The following EFCAB8 variants were observed in gnomAD, a reference collection of about 807,000 sequenced individuals.
The protein encoded by EFCAB8 is EF-hand calcium-binding domain-containing protein 8.
A neutral mutation model predicts 116.3 loss-of-function variants in EFCAB8; 100 were observed. The ratio of observed to expected loss-of-function variants is 0.86; its 90% CI spans 0.73 to 1.02. EFCAB8 has a LOEUF of 1.02. Among genes scored for constraint, EFCAB8 ranks in the 50% least tolerant of loss-of-function variants. The probability of loss-of-function intolerance (pLI) is 0.00; values close to 1 mark genes in which losing one functional copy is unlikely to be tolerated. For synonymous variants in EFCAB8, 558 were observed against 567.9 expected (o/e 0.98, Z 0.25); for missense variants, 1,320 against 1,416.9 (o/e 0.93, Z 1.10).
chr20:32,881,937 GT>G lies in EFCAB8; in HGVS notation c.431+3131del, dbSNP rs1985361471. ...TAGAAATTATCCCTGCCCAGGCATG[GT>G]GGCTCACACCTGTAATCCCAGCACT... On this transcript the variant is annotated intron_variant, in intron 5 of 26. Transcript: ENST00000400522. Among the ~76,000 whole-genome samples, 11 of 152,292 alleles carry G rather than the reference GT, an allele frequency of 7.2e-5. No homozygotes were observed. In the South Asian group the frequency reaches 2.3e-3, roughly 32 times the overall value.
At chr20:32,920,336 G>C in intron 20 of EFCAB8, 121 bp downstream of exon 20, 1 of 1,358,682 alleles carries the variant, frequency 7.4e-7, no homozygotes, top group East Asian at 2.5e-5. Flanking sequence ...CCCAGTGCCC[G>C]GAAGGCATCT....
chr20:32,898,584 T>G lies in EFCAB8; in HGVS notation c.1049T>G (p.Val350Gly), dbSNP rs1204227772. The G allele has an allele frequency of 7.0e-6, 5 of 718,490 alleles. No individual in the cohort carries two copies. The Admixed American group carries it at 1.0e-4, about 14-fold the overall frequency. 44.5% of individuals were successfully genotyped at this position (718,490 alleles called of 1,614,324 possible). A position where few individuals can be genotyped will look rare whatever the true frequency, so the allele number is the denominator to read the frequency against. The change falls in exon 11 of 27, where the codon GTG (valine) becomes GGG (glycine). Residue 350 changes from valine to glycine, a missense_variant. Physicochemically the swap from Val to Gly is moderately radical, Grantham distance 109. Coordinates refer to ENST00000400522, the MANE Select transcript of EFCAB8 (RefSeq NM_001143967.2). ...TCAGCCATCGAGAAGTCCTCTCTGG[T>G]GCTGACAATATTGCCAGCCAAAGCC... ...SCSAIEKSSL[V>G]LTILPAKASK...
chr20:32,921,361 T>TTTTG (rs113180434), intron 20 of EFCAB8, among the ~76,000 whole-genome samples: 7 of 129,162 alleles, frequency 5.4e-5, no homozygotes, highest in African/African-American at 2.5e-4. Flanking sequence ...CCCAGCTATT[T>TTTTG]TGTGTGTGTG....
intron 1 of EFCAB8, among the ~76,000 whole-genome samples, chr20:32,861,821 A>G (rs151030153): frequency 9.2e-5 from 14 of 152,310 alleles, no homozygotes; most frequent in African/African-American, 2.2e-4. Context: ...AATCTCACCT[A>G]CCAGAGATGA....
At chr20:32,863,369 A>G (rs1370059557) in intron 1 of EFCAB8, among the ~76,000 whole-genome samples, 1 of 152,094 alleles carries the variant, frequency 6.6e-6, no homozygotes, top group African/African-American at 2.4e-5. Context: ...GGGAGGGTAT[A>G]TGCAGTGGAA....
chr20:32,923,744 A>G (rs897882079), intron 20 of EFCAB8, among the ~76,000 whole-genome samples: 16 of 152,142 alleles, frequency 1.1e-4, no homozygotes, highest in Non-Finnish European at 1.9e-4. Context: ...TTGACTCCTC[A>G]CGGGCATCTC....
chr20:32,875,506 T>G (rs1255299143), intron 3 of EFCAB8, among the ~76,000 whole-genome samples: 1 of 136,140 alleles, frequency 7.3e-6, no homozygotes, highest in Non-Finnish European at 1.7e-5. Context: ...ATGGTGGTTT[T>G]TTTTTTTTTT....
At chr20:32,954,665 A>G (rs1274533542) in intron 23 of EFCAB8, among the ~76,000 whole-genome samples, 2 of 152,212 alleles carry the variant, frequency 1.3e-5, no homozygotes, top group Non-Finnish European at 1.5e-5. Flanking sequence ...ATTTAGCTCT[A>G]TGATCCATCT....
chr20:32,939,143 C>A (rs1988265626), intron 22 of EFCAB8, among the ~76,000 whole-genome samples: 1 of 44,348 alleles, frequency 2.3e-5, no homozygotes, highest in Non-Finnish European at 4.5e-5. Context: ...TTCTTTCTTT[C>A]TTTCTTTCTT....
intron 6 of EFCAB8, among the ~76,000 whole-genome samples, chr20:32,886,982 G>A (rs959624692): frequency 1.7e-4 from 26 of 152,142 alleles, no homozygotes; most frequent in Non-Finnish European, 3.5e-4. Flanking sequence ...GAGTTACCAA[G>A]CTACTGGTGT....
intron 3 of EFCAB8, among the ~76,000 whole-genome samples, chr20:32,873,758 G>A (rs1984804071): frequency 6.7e-6 from 1 of 149,892 alleles, no homozygotes; most frequent in South Asian, 2.1e-4. Context: ...GTTGCAGTGA[G>A]CTGAGATTGT....
At chr20:32,907,860 A>AG (rs1986750973) in intron 13 of EFCAB8, among the ~76,000 whole-genome samples, 1 of 151,928 alleles carries the variant, frequency 6.6e-6, no homozygotes, top group South Asian at 2.1e-4. Context: ...GAGGAATGGG[A>AG]GGGGCCCCTC....
chr20:32,923,619 T>G (rs1020008133), intron 20 of EFCAB8, among the ~76,000 whole-genome samples: 1 of 152,182 alleles, frequency 6.6e-6, no homozygotes, highest in Non-Finnish European at 1.5e-5. Flanking sequence ...CCTTCTAGAA[T>G]TTTTTTGTGC....
chr20:32,950,582 G>T (rs1425636011), intron 23 of EFCAB8, among the ~76,000 whole-genome samples: 1 of 152,174 alleles, frequency 6.6e-6, no homozygotes, highest in African/African-American at 2.4e-5. Context: ...GACTGCTTCT[G>T]TGTCTCTTTG....
At chr20:32,945,550 C>T (rs192408292) in intron 23 of EFCAB8, among the ~76,000 whole-genome samples, 4 of 152,170 alleles carry the variant, frequency 2.6e-5, no homozygotes, top group African/African-American at 4.8e-5. Flanking sequence ...ATTTTTATTA[C>T]GGTTACTTAG....
At chr20:32,954,919 T>C (rs1988916709) in intron 23 of EFCAB8, among the ~76,000 whole-genome samples, 1 of 152,234 alleles carries the variant, frequency 6.6e-6, no homozygotes, top group Admixed American at 6.5e-5. Context: ...TTTTAATATA[T>C]TGTTGAATTC....
At position 32,897,529 on chromosome 20, in the gene EFCAB8, A is replaced by G. The variant is rs117680826; in HGVS notation, c.958-964A>G. Among the ~76,000 whole-genome samples the G allele has an allele frequency of 5.6e-4, 83 of 149,168 alleles. 1 individual carries two copies. The East Asian group carries it at 0.015, about 28-fold the overall frequency. On this transcript the variant is annotated intron_variant, in intron 10 of 26. Coordinates refer to ENST00000400522, the MANE Select transcript of EFCAB8 (RefSeq NM_001143967.2). ...GCGATCATGGCTCACTGCAGCCTTG[A>G]CCTCCCGGGCTTAGGTGATCCTCCC...
At chr20:32,893,383 C>A (rs900146083) in intron 9 of EFCAB8, 85 bp downstream of exon 9, 15 of 1,513,804 alleles carry the variant, frequency 9.9e-6, no homozygotes, top group East Asian at 2.5e-5. Flanking sequence ...CCGAGCCCCC[C>A]ACTCCCTGCC....
intron 9 of EFCAB8, among the ~76,000 whole-genome samples, chr20:32,895,575 C>T (rs55952845): frequency 0.1 from 12,638 of 124,646 alleles, 713 homozygotes; most frequent in Non-Finnish European, 0.12. Context: ...TTCTTTCTTT[C>T]TTTTTTTTTT....
Sources: gnomAD v4.1 joint callset for allele counts (sites outside exome capture counted in the v4.1 genomes callset) on GRCh38, gnomAD v4.1.1 for gene constraint, MANE v1.5 for transcripts, NCBI Gene and HGNC (gene_info 2026-07-23, HGNC 2026-07-21) for gene names.